The following ITIH2 variants were observed in gnomAD, a reference collection of about 807,000 sequenced individuals.
ITIH2 encodes inter-alpha-trypsin inhibitor heavy chain 2, also known as inter-alpha-trypsin inhibitor heavy chain H2.
Under a neutral mutation model 104.4 loss-of-function variants are expected in ITIH2, and 103 were observed. The observed-to-expected ratio is 0.99, with a 90% CI of 0.84 to 1.16. The LOEUF is 1.16. Among genes scored for constraint, ITIH2 ranks in the 50% most tolerant of loss-of-function variants. The probability of loss-of-function intolerance (pLI) is 0.00; values close to 1 mark genes in which losing one functional copy is unlikely to be tolerated. For synonymous variants in ITIH2, 436 were observed against 435.4 expected (o/e 1.00, Z -0.02); for missense variants, 1,108 against 1,162.4 (o/e 0.95, Z 0.68).
intron 5 of ITIH2, among the ~76,000 whole-genome samples, chr10:7,715,199 G>T (rs769272103): frequency 6.6e-6 from 1 of 152,126 alleles, no homozygotes; most frequent in African/African-American, 2.4e-5. Context: ...GAGGCAGGCA[G>T]ATCATGAGGT....
intron 11 of ITIH2, among the ~76,000 whole-genome samples, chr10:7,729,354 G>T (rs779380330): frequency 1.3e-5 from 2 of 151,814 alleles, no homozygotes; most frequent in Non-Finnish European, 2.9e-5. Context: ...GTTTAATCAT[G>T]GTTTCTCACT....
At chr10:7,748,331 C>G (rs1170493077) in intron 20 of ITIH2, among the ~76,000 whole-genome samples, 1 of 148,514 alleles carries the variant, frequency 6.7e-6, no homozygotes, top group Non-Finnish European at 1.5e-5. Context: ...TGGTTCATAA[C>G]TGAAACTGAG....
At position 7,722,424 on chromosome 10, in the gene ITIH2, A is replaced by G. The variant is rs539369503; in HGVS notation, c.867+647A>G. ...ATCAAGCCTGCAGCAGAAGACAAAG[A>G]GGATGGTCAGGAGTCCAGCTGGGGC... is the stretch of plus-strand genomic sequence containing the variant. On this transcript the variant is annotated intron_variant, in intron 8 of 20. Coordinates refer to ENST00000358415, the MANE Select transcript of ITIH2 (RefSeq NM_002216.3). Among the ~76,000 whole-genome samples, 4 of 152,314 alleles carry G rather than the reference A, an allele frequency of 2.6e-5. No individual in the cohort carries two copies. In the South Asian group the frequency reaches 8.3e-4, roughly 32 times the overall value.
chr10:7,735,164 C>G (rs1835042625), intron 15 of ITIH2, 73 bp downstream of exon 15: 1 of 1,358,854 alleles, frequency 7.4e-7, no homozygotes. Context: ...GTCCTAGTGC[C>G]TCCGCTCTCT....
chr10:7,730,208 T>C (rs962629400), intron 12 of ITIH2, 75 bp downstream of exon 12: 13 of 1,108,392 alleles, frequency 1.2e-5, no homozygotes, highest in East Asian at 4.8e-5. Context: ...GCAGGTATGA[T>C]GCATAACTGA....
rs200927721 is a variant in ITIH2 at position 7,731,886 on chromosome 10, G to A, written c.1537G>A (p.Val513Ile). 103 of 1,613,706 alleles carry A rather than the reference G, an allele frequency of 6.4e-5. No homozygotes were observed. Among genetic ancestry groups the A allele is most frequent in the Non-Finnish European group, 8.0e-5 (94 of 1,179,762 alleles). ...FNYPHTSVTD[V>I]TQNNFHNYFG... is the part of the protein sequence containing the mutation. The stretch of plus-strand genomic sequence containing the variant: ...CTATCCCCATACATCAGTCACGGAC[G>A]TCACTCAAAACAATTTCCATAACTA... Residue 513 changes from valine (V) to isoleucine (I), a missense_variant, in exon 13 of 21, where the codon GTC (valine) becomes ATC (isoleucine). Physicochemically the swap from Val to Ile is conservative, Grantham distance 29 (BLOSUM62 3). Transcript: ENST00000358415.
chr10:7,709,290 G>A, intron 4 of ITIH2, 99 bp downstream of exon 4: 1 of 1,090,290 alleles, frequency 9.2e-7, no homozygotes, highest in Non-Finnish European at 1.4e-6. Flanking sequence ...AACTGTCCCA[G>A]AGGACCGGCT....
chr10:7,704,956 G>C (rs1034019748), intron 1 of ITIH2, 152 bp from the exon 2 acceptor site: 7 of 527,756 alleles, frequency 1.3e-5, no homozygotes, highest in Non-Finnish European at 2.3e-5. Flanking sequence ...AGCATTAGGA[G>C]AAATACCTGA....
rs573980474 is a variant in ITIH2 at position 7,739,172 on chromosome 10, C to T, written c.2095+414C>T. Reference sequence around the variant, plus strand: ...GCATCTTCTCCCACAGCATGTGAGACGGGGAGCTGCCCCGGGGAAATGGGA... The same window carrying T: ...GCATCTTCTCCCACAGCATGTGAGATGGGGAGCTGCCCCGGGGAAATGGGA... On this transcript the variant is annotated intron_variant, in intron 16 of 20. Coordinates refer to ENST00000358415, the MANE Select transcript of ITIH2 (RefSeq NM_002216.3). Among the ~76,000 whole-genome samples, 77 of 152,238 alleles carry T rather than the reference C, an allele frequency of 5.1e-4. 1 individual carries two copies. In the South Asian group the frequency reaches 0.014, roughly 27 times the overall value.
chr10:7,746,921 C>G (rs1314120995), intron 20 of ITIH2, among the ~76,000 whole-genome samples: 1 of 147,854 alleles, frequency 6.8e-6, no homozygotes, highest in African/African-American at 2.5e-5. Flanking sequence ...CATGCAATGC[C>G]AAGATTAACT....
At chr10:7,736,026 C>T (rs1229581991) in intron 15 of ITIH2, among the ~76,000 whole-genome samples, 4 of 152,108 alleles carry the variant, frequency 2.6e-5, no homozygotes, top group Non-Finnish European at 5.9e-5. Context: ...TGGTTACTCA[C>T]TATCACTCAT....
At chr10:7,714,609 C>A (rs1186487693) in intron 5 of ITIH2, among the ~76,000 whole-genome samples, 1 of 152,188 alleles carries the variant, frequency 6.6e-6, no homozygotes, top group Non-Finnish European at 1.5e-5. Flanking sequence ...GCATCAAATG[C>A]AAGCTCTGTA....
At chr10:7,722,772 A>G (rs1834916348) in intron 8 of ITIH2, among the ~76,000 whole-genome samples, 1 of 152,226 alleles carries the variant, frequency 6.6e-6, no homozygotes, top group African/African-American at 2.4e-5. Context: ...TTAGATGCAC[A>G]CGGGGCTCTT....
chr10:7,737,695 ATATAATATTC>A lies in ITIH2; in HGVS notation c.1958-921_1958-912del, dbSNP rs1241900323. Among the ~76,000 whole-genome samples, 309 of 57,442 alleles carry A rather than the reference ATATAATATTC, an allele frequency of 5.4e-3. 73 individuals carry two copies. Among genetic ancestry groups the A allele is most frequent in the Non-Finnish European group, 6.9e-3 (266 of 38,546 alleles). 37.7% of individuals were successfully genotyped at this position (57,442 alleles called of 152,430 possible). ...TTCTATATTTTCTATATTATATTCT[ATATAATATTC>A]TATATTATATTCTATATAATATTCT... On this transcript the variant is annotated intron_variant, in intron 15 of 20. Coordinates refer to ENST00000358415, the MANE Select transcript of ITIH2 (RefSeq NM_002216.3).
At chr10:7,739,710 AAAAC>A (rs1564306606) in intron 16 of ITIH2, among the ~76,000 whole-genome samples, 1 of 151,748 alleles carries the variant, frequency 6.6e-6, no homozygotes, top group Admixed American at 6.6e-5. Context: ...AAAAAAAACA[AAAAC>A]AAAAACAAAA....
chr10:7,739,319 C>T lies in ITIH2; in HGVS notation c.2095+561C>T, dbSNP rs183366686. ...CCTGTGTGCAGCTTTTCTTTCCTTA[C>T]TTTCCTTTTGATTAGAAAAAAGTAA... On this transcript the variant is annotated intron_variant, in intron 16 of 20. Coordinates refer to ENST00000358415, the MANE Select transcript of ITIH2 (RefSeq NM_002216.3). 2.0e-3 allele frequency among the ~76,000 whole-genome samples: 305 copies of T among 152,322 alleles called. 2 individuals are homozygous for T. Among genetic ancestry groups the T allele is most frequent in the African/African-American group, 7.0e-3 (292 of 41,570 alleles).
intron 9 of ITIH2, among the ~76,000 whole-genome samples, chr10:7,725,870 C>A (rs1241894858): frequency 2.0e-5 from 3 of 152,138 alleles, no homozygotes; most frequent in African/African-American, 7.2e-5. Context: ...GACAACAGAG[C>A]ATTCCAATAT....
intron 20 of ITIH2, among the ~76,000 whole-genome samples, chr10:7,747,942 A>T (rs908505093): frequency 1.3e-5 from 2 of 151,816 alleles, no homozygotes; most frequent in African/African-American, 4.8e-5. Context: ...GCAGTGGCTC[A>T]CGCCTGTAAT....
rs563195255 is a variant in ITIH2, at chr10:7,727,000, T to C, written c.1035T>C (p.His345=). 1.2e-6 allele frequency: 2 copies of C among 1,614,010 alleles called. No individual in the cohort carries two copies. Among genetic ancestry groups the C allele is most frequent in the East Asian group, 2.2e-5 (1 of 44,882 alleles). ...TILDDLRAED[H]FSVIDFNQNI... is the part of the protein sequence containing the mutation. Reference sequence around the variant, plus strand: ...TGGATGACCTCAGAGCAGAAGACCATTTCTCTGTGATTGATTTCAACCAGA... The same window carrying C: ...TGGATGACCTCAGAGCAGAAGACCACTTCTCTGTGATTGATTTCAACCAGA... Residue 345 remains histidine, a synonymous_variant, in exon 10 of 21, where the codon CAT becomes CAC. Transcript: ENST00000358415.
Sources: allele counts gnomAD v4.1 joint callset (sites outside exome capture counted in the v4.1 genomes callset), GRCh38; gene constraint gnomAD v4.1.1; transcripts MANE v1.5; gene names NCBI Gene and HGNC (gene_info 2026-07-23, HGNC 2026-07-21).